NTRK1: variants seen among roughly 807,000 people sequenced by gnomAD.
NTRK1 encodes high affinity nerve growth factor receptor.
In NTRK1, 62 loss-of-function variants were observed where a neutral mutation model predicts 86.8. The ratio of observed to expected loss-of-function variants is 0.71; its 90% CI spans 0.58 to 0.88. The LOEUF is 0.88. Ranked by LOEUF, NTRK1 falls within the 40% of genes least tolerant of loss-of-function variation. NTRK1 has a pLI of 0.00. For synonymous variants in NTRK1, 469 were observed against 456.6 expected (o/e 1.03, Z -0.35); for missense variants, 967 against 1,078.4 (o/e 0.90, Z 1.45).
intron 4 of NTRK1, among the ~76,000 whole-genome samples, chr1:156,867,449 G>A (rs1326975682): frequency 3.9e-5 from 6 of 152,150 alleles, no homozygotes; most frequent in African/African-American, 2.4e-5. Flanking sequence ...TCCCTCAGAC[G>A]TCAGCTGTCT....
chr1:156,853,239 T>C (rs1287010936), intron 2 of NTRK1, among the ~76,000 whole-genome samples: 4 of 152,190 alleles, frequency 2.6e-5, no homozygotes, highest in Non-Finnish European at 5.9e-5. Context: ...TGGATCACTG[T>C]GCTGTGGCCA....
At position 156,879,928 on chromosome 1, in the gene NTRK1, C is replaced by T. The variant is rs1342105957; in HGVS notation, c.2047-71C>T. 1.0e-5 allele frequency: 16 copies of T among 1,578,878 alleles called. No homozygotes were observed. In the East Asian group the frequency reaches 3.4e-4, roughly 33 times the overall value. ...TGTGTATTTATTTTTAATGATGGGG[C>T]TGGGGTAGGCTGTGCCTTGACGGGC... is the stretch of plus-strand genomic sequence containing the variant. On this transcript the variant is annotated intron_variant, in intron 15 of 16. Transcript: ENST00000524377.
At chr1:156,830,271 A>G (rs2102841291) in intron 1 of NTRK1, among the ~76,000 whole-genome samples, 1 of 152,364 alleles carries the variant, frequency 6.6e-6, no homozygotes, top group East Asian at 1.9e-4. Flanking sequence ...CAGCTCTGTC[A>G]AACAGAGGGG....
In NTRK1 at chr1:156,864,816, C is replaced by T. The variant is rs1336543107; in HGVS notation, c.359+17C>T. 1.2e-6 allele frequency: 2 copies of T among 1,610,416 alleles called. No homozygotes were observed. The highest frequency in any genetic ancestry group is 1.7e-5 in the Admixed American group (1 of 59,496). On this transcript the variant is annotated intron_variant, in intron 3 of 16. Coordinates refer to ENST00000524377, the MANE Select transcript of NTRK1 (RefSeq NM_002529.4). ...CAGTCGCCTGTGAGTGTGGCCAGTG[C>T]TGGGCAGTGGGAGTTGGGGAGGACA...
intron 1 of NTRK1, among the ~76,000 whole-genome samples, chr1:156,839,414 G>A (rs4661229): frequency 0.2 from 30,671 of 152,306 alleles, 3,333 homozygotes; most frequent in Middle Eastern, 0.28. Context: ...CACCCCCTTC[G>A]TCAAGGTTTG....
Position 156,873,811 on chromosome 1 carries a change from C to T in NTRK1, c.1029C>T (p.His343=), listed in dbSNP as rs772855825. Residue 343 remains histidine, a synonymous_variant, in exon 8 of 17, where the codon CAC becomes CAT. Coordinates refer to ENST00000524377, the MANE Select transcript of NTRK1 (RefSeq NM_002529.4). ...LEPAANETVR[H]GCLRLNQPTH... is the part of the protein sequence containing the mutation. The stretch of plus-strand genomic sequence containing the variant: ...CGGCAGCCAATGAGACCGTGCGGCA[C>T]GGGTGTCTGCGCCTCAACCAGCCCA... 5.0e-5 allele frequency: 81 copies of T among 1,612,694 alleles called. No homozygotes were observed. The highest frequency in any genetic ancestry group is 6.4e-5 in the Non-Finnish European group (76 of 1,179,524).
Position 156,881,707 on chromosome 1 carries a change from T to C in NTRK1, c.*65T>C, listed in dbSNP as rs1306307556. The C allele has an allele frequency of 3.4e-6, 5 of 1,469,454 alleles. No individual in the cohort carries two copies. The highest frequency in any genetic ancestry group is 4.6e-6 in the Non-Finnish European group (5 of 1,089,912). The allele number at this position is 1,469,454 out of a possible 1,614,324, so 91.0% of individuals were successfully genotyped here. On this transcript the variant is annotated 3_prime_UTR_variant, in exon 17 of 17. Transcript: ENST00000524377. ...TGGGGCCTGCCCTCAGCATCCCCCA[T>C]AGCTCCCAGCAGCCCCAGGGTGATC...
At chr1:156,872,126 C>T (rs748171893) in intron 7 of NTRK1, among the ~76,000 whole-genome samples, 4 of 152,180 alleles carry the variant, frequency 2.6e-5, no homozygotes, top group East Asian at 3.8e-4. Context: ...TTCCTCTTTA[C>T]GCTCGCTGCC....
Position 156,875,511 on chromosome 1 carries a change from C to T in NTRK1, c.1355-9C>T, listed in dbSNP as rs1419999276. The T allele has an allele frequency of 3.7e-6, 6 of 1,613,780 alleles. No individual in the cohort carries two copies. Among genetic ancestry groups the T allele is most frequent in the East Asian group, 4.5e-5 (2 of 44,866 alleles). ...CAAACCCCTCCATGCGGCTGTGTCT[C>T]CTCTCTAGGCCCGGCTGTGCTGGCT... On this transcript the variant is annotated splice_polypyrimidine_tract_variant and intron_variant, in intron 11 of 16. Transcript: ENST00000524377.
intron 1 of NTRK1, chr1:156,816,954 C>T (rs1654005344): frequency 2.5e-6 from 1 of 392,330 alleles, no homozygotes; most frequent in African/African-American, 2.1e-5. Flanking sequence ...CTGTGTCACT[C>T]TGTGTTTAGG....
intron 1 of NTRK1, chr1:156,840,591 G>T (rs1654736329): frequency 2.1e-6 from 1 of 484,594 alleles, no homozygotes; most frequent in African/African-American, 1.9e-5. Flanking sequence ...GTCTGAGTGG[G>T]GTCCCTACCT....
At chr1:156,870,457 G>A (rs1453130842) in intron 6 of NTRK1, among the ~76,000 whole-genome samples, 3 of 152,314 alleles carry the variant, frequency 2.0e-5, no homozygotes, top group African/African-American at 7.2e-5. Context: ...GAGGATAAGG[G>A]GTGGCAGACC....
intron 1 of NTRK1, among the ~76,000 whole-genome samples, chr1:156,821,993 G>A (rs1012477177): frequency 1.3e-5 from 2 of 152,172 alleles, no homozygotes; most frequent in African/African-American, 4.8e-5. Context: ...CAACATGTGG[G>A]TGTGAAGACC....
At position 156,864,428 on chromosome 1, in the gene NTRK1, T is replaced by C; in HGVS notation, c.287T>C (p.Leu96Pro). ...AGGGGCCTGGGGGAGCTGAGAAACC[T>C]GTGAGGGAAACGGGGACTGTGGGTG... is the stretch of plus-strand genomic sequence containing the variant. ...DLRGLGELRN[L>P]TIVKSGLRFV... Residue 96 changes from leucine (L) to proline (P), a missense_variant and splice_region_variant, in exon 2 of 17, where the codon CTC becomes CCC. Physicochemically the swap from Leu to Pro is moderately conservative, Grantham distance 98. This residue lies in a region of NTRK1 where 330 missense variants were observed against 302.0 expected (regional missense o/e 1.09). Transcript: ENST00000524377. 2.5e-6 allele frequency: 4 copies of C among 1,613,064 alleles called. No homozygotes were observed. The highest frequency in any genetic ancestry group is 2.7e-5 in the African/African-American group (2 of 74,834).
At position 156,844,592 on chromosome 1, in the gene NTRK1, T is replaced by G. The variant is rs759344836; in HGVS notation, c.50+2399T>G. ...GGTGGACTCCCCCAAACTTCGCATA[T>G]CGAAGACGGGACACACACAGCACTG... On this transcript the variant is annotated intron_variant, in intron 2 of 16. Coordinates refer to the NTRK1 transcript ENST00000392302. 9 of 1,613,996 alleles carry G rather than the reference T, an allele frequency of 5.6e-6. 1 individual carries two copies. The highest frequency in any genetic ancestry group is 1.1e-5 in the South Asian group (1 of 91,084).
At chr1:156,862,870 T>C (rs1022547866) in intron 1 of NTRK1, among the ~76,000 whole-genome samples, 1 of 151,924 alleles carries the variant, frequency 6.6e-6, no homozygotes, top group Non-Finnish European at 1.5e-5. Flanking sequence ...GAGGTTACTT[T>C]ATAGGCCTCT....
chr1:156,858,895 G>T, upstream of NTRK1: 1 of 480,312 alleles, frequency 2.1e-6, no homozygotes, highest in South Asian at 2.8e-5. Context: ...GTGACAGGGA[G>T]AGTCTCGGGC....
At chr1:156,871,267 G>A (rs1312329556) in intron 6 of NTRK1, among the ~76,000 whole-genome samples, 1 of 152,122 alleles carries the variant, frequency 6.6e-6, no homozygotes, top group African/African-American at 2.4e-5. Flanking sequence ...TTAAATACGT[G>A]ATCCAGGCTG....
At position 156,873,941 on chromosome 1, in the gene NTRK1, C is replaced by T; in HGVS notation, c.1159C>T (p.Pro387Ser). The T allele has an allele frequency of 6.4e-7, 1 of 1,554,064 alleles. No homozygotes were observed. Among genetic ancestry groups the T allele is most frequent in the East Asian group, 2.4e-5 (1 of 41,096 alleles). ...AFMDNPFEFN[P>S]EDPIPVSFSP... is the part of the protein sequence containing the mutation. ...CATGGACAACCCTTTCGAGTTCAAC[C>T]CCGAGGACCCCATCCCTGGTGCGAG... The change falls in exon 8 of 17, where the codon CCC (proline) becomes TCC (serine). Residue 387 changes from proline to serine, a missense_variant. Around this residue, in one of 2 missense-constraint regions of NTRK1, gnomAD observed 637 missense variants for 776.5 expected, o/e 0.82. Transcript: ENST00000524377.
Sources: gnomAD v4.1 joint callset for allele counts (sites outside exome capture counted in the v4.1 genomes callset) on GRCh38, gnomAD v4.1.1 for gene constraint, gnomAD v4.1.1 regional missense constraint, MANE v1.5 for transcripts, NCBI Gene and HGNC (gene_info 2026-07-23, HGNC 2026-07-21) for gene names.